RNLS: variants seen among roughly 807,000 people sequenced by gnomAD.
RNLS encodes the protein renalase.
A neutral mutation model predicts 39.8 loss-of-function variants in RNLS; 39 were observed. That is an observed-to-expected ratio of 0.98 (90% CI 0.76 to 1.28). RNLS has a LOEUF of 1.28. RNLS is among the 50% of genes most tolerant of loss of function. The pLI is 0.00. For synonymous variants in RNLS, 147 were observed against 150.7 expected, an observed-to-expected ratio of 0.98 and a Z score of 0.18; for missense variants, 410 against 413.3, an observed-to-expected ratio of 0.99 and a Z score of 0.07.
At chr10:88,377,229 TACACAC>T (rs1564746289) in intron 4 of RNLS, among the ~76,000 whole-genome samples, 2 of 69,862 alleles carry the variant, frequency 2.9e-5, no homozygotes. Context: ...TATCTCCACA[TACACAC>T]ACATATACAC....
At chr10:88,534,343 T>A (rs550850121) in intron 4 of RNLS, among the ~76,000 whole-genome samples, 5 of 152,108 alleles carry the variant, frequency 3.3e-5, no homozygotes, top group Non-Finnish European at 4.4e-5. Context: ...ATATAAATCC[T>A]CTGGACATGA....
At chr10:88,546,057 T>A (rs1010837681) in intron 4 of RNLS, among the ~76,000 whole-genome samples, 4 of 152,016 alleles carry the variant, frequency 2.6e-5, no homozygotes, top group African/African-American at 7.2e-5. Context: ...TTGAGAAAAA[T>A]ATATATATGA....
rs112434041 is a variant in RNLS at position 88,568,417 on chromosome 10, A to G, written c.526+4486T>C. 3.8e-3 allele frequency among the ~76,000 whole-genome samples: 582 copies of G among 152,252 alleles called. 5 individuals are homozygous for G. Among genetic ancestry groups the G allele is most frequent in the African/African-American group, 0.013 (531 of 41,538 alleles). On this transcript the variant is annotated intron_variant, in intron 4 of 6. Coordinates refer to ENST00000331772, the MANE Select transcript of RNLS (RefSeq NM_001031709.3). ...TTACAGACATTGATAATGGTTGCCTATATCAGTTATTATACTAAAAACCAC... is the reference window on the plus strand; with the variant it reads ...TTACAGACATTGATAATGGTTGCCTGTATCAGTTATTATACTAAAAACCAC...
chr10:88,312,941 C>A (rs894824283), intron 6 of RNLS, among the ~76,000 whole-genome samples: 1 of 152,092 alleles, frequency 6.6e-6, no homozygotes, highest in African/African-American at 2.4e-5. Flanking sequence ...GTGGAATATG[C>A]AAACTTCTAA....
At chr10:88,498,108 A>G (rs1032457097) in intron 4 of RNLS, among the ~76,000 whole-genome samples, 1 of 152,094 alleles carries the variant, frequency 6.6e-6, no homozygotes, top group Non-Finnish European at 1.5e-5. Flanking sequence ...ATTCATTACA[A>G]AGGGAAAAAT....
At chr10:88,262,427 C>T in the RNLS span, among the ~76,000 whole-genome samples, 10 of 152,084 alleles carry the variant, frequency 6.6e-5, no homozygotes, top group African/African-American at 1.9e-4. Context: ...CATTCAAGTT[C>T]AAGGAACAGG....
At chr10:88,275,529 CAAAT>C (rs533289955) in intron 6 of RNLS, among the ~76,000 whole-genome samples, 3 of 151,822 alleles carry the variant, frequency 2.0e-5, no homozygotes, top group Non-Finnish European at 4.4e-5. Flanking sequence ...GGGAAATGGA[CAAAT>C]AAATTGTGAT....
chr10:88,446,987 A>G (rs562313163), intron 4 of RNLS, among the ~76,000 whole-genome samples: 1 of 152,356 alleles, frequency 6.6e-6, no homozygotes, highest in East Asian at 1.9e-4. Flanking sequence ...AACTCTCAAT[A>G]AATTAGGTAT....
chr10:88,412,494 T>C (rs1041575315), intron 4 of RNLS, among the ~76,000 whole-genome samples: 4 of 151,806 alleles, frequency 2.6e-5, no homozygotes, highest in Admixed American at 6.6e-5. Context: ...ACTCATTATA[T>C]CATTGAGATG....
At chr10:88,355,598 C>T (rs979564352) in intron 5 of RNLS, among the ~76,000 whole-genome samples, 3 of 152,132 alleles carry the variant, frequency 2.0e-5, no homozygotes, top group Non-Finnish European at 2.9e-5. Flanking sequence ...GATACCTGGC[C>T]GTGTGACGTG....
intron 4 of RNLS, among the ~76,000 whole-genome samples, chr10:88,442,390 G>A (rs1841766807): frequency 6.6e-6 from 1 of 152,052 alleles, no homozygotes; most frequent in Admixed American, 6.5e-5. Flanking sequence ...TTAAAACTTG[G>A]TTAATTCAGA....
intron 4 of RNLS, among the ~76,000 whole-genome samples, chr10:88,435,518 G>A (rs1253728572): frequency 6.6e-6 from 1 of 151,992 alleles, no homozygotes; most frequent in Non-Finnish European, 1.5e-5. Context: ...GAATACTTCA[G>A]TACTTTAAAT....
At chr10:88,243,942 C>T in the RNLS span, among the ~76,000 whole-genome samples, 16 of 152,330 alleles carry the variant, frequency 1.1e-4, no homozygotes, top group African/African-American at 1.7e-4. Flanking sequence ...CCAGCAGCTG[C>T]GTTTGGCCTG....
chr10:88,227,116 T>C, the RNLS span, among the ~76,000 whole-genome samples: 1 of 152,216 alleles, frequency 6.6e-6, no homozygotes, highest in South Asian at 2.1e-4. Context: ...AGAGAGGTCA[T>C]ATGGCCCAAA....
At chr10:88,224,061 G>A in the RNLS span, among the ~76,000 whole-genome samples, 71 of 151,152 alleles carry the variant, frequency 4.7e-4, no homozygotes, top group Non-Finnish European at 5.3e-4. Flanking sequence ...AAGGTAAGGA[G>A]AGAAACAGAG....
downstream of RNLS, among the ~76,000 whole-genome samples, chr10:88,279,813 A>G (rs146033897): frequency 2.2e-3 from 336 of 152,280 alleles, 2 homozygotes; most frequent in African/African-American, 7.8e-3. Context: ...GTGTCTTTCC[A>G]AGGACTACAT....
the RNLS span, among the ~76,000 whole-genome samples, chr10:88,261,337 G>T: frequency 1.6e-4 from 24 of 152,326 alleles, no homozygotes; most frequent in South Asian, 1.5e-3. Context: ...CTAGTCAGGA[G>T]AGGCTTAGTT....
At chr10:88,490,295 G>T (rs998121085) in intron 4 of RNLS, among the ~76,000 whole-genome samples, 4 of 152,228 alleles carry the variant, frequency 2.6e-5, no homozygotes, top group African/African-American at 9.6e-5. Flanking sequence ...TCTTAAAAGA[G>T]GCAAATGTAG....
At chr10:88,353,167 A>AT (rs1392654293) in intron 5 of RNLS, among the ~76,000 whole-genome samples, 10 of 152,234 alleles carry the variant, frequency 6.6e-5, no homozygotes, top group South Asian at 2.1e-4. Flanking sequence ...GGATTCATTG[A>AT]TTTTTTGAAG....
Sources: allele counts gnomAD v4.1 joint callset (sites outside exome capture counted in the v4.1 genomes callset), GRCh38; gene constraint gnomAD v4.1.1; transcripts MANE v1.5; gene names NCBI Gene and HGNC (gene_info 2026-07-23, HGNC 2026-07-21).